The following AGAP2 variants were observed in gnomAD, a reference collection of about 807,000 sequenced individuals.
AGAP2 encodes ArfGAP with GTPase domain, ankyrin repeat and PH domain 2.
Under a neutral mutation model 110.9 loss-of-function variants are expected in AGAP2, and 32 were observed. The ratio of observed to expected loss-of-function variants is 0.29; its 90% CI spans 0.22 to 0.39. The LOEUF is 0.39. AGAP2 is among the 10% of genes least tolerant of loss of function. The probability of loss-of-function intolerance (pLI) is 1.00; values close to 1 mark genes in which losing one functional copy is unlikely to be tolerated. For missense variants in AGAP2, 1,285 were observed against 1,638.5 expected (o/e 0.78, Z 3.72); for synonymous variants, 702 against 713.0 (o/e 0.98, Z 0.25).
chr12:57,734,005 G>A (rs1377752468), intron 5 of AGAP2, 21 bp downstream of exon 5: 1 of 1,546,284 alleles, frequency 6.5e-7, no homozygotes, highest in Non-Finnish European at 8.7e-7. Context: ...TGAAAGCAGT[G>A]CTTTCCTAAC....
At chr12:57,740,629 C>T (rs1955066293), upstream of AGAP2, among the ~76,000 whole-genome samples, 1 of 152,176 alleles carries the variant, frequency 6.6e-6, no homozygotes, top group Middle Eastern at 3.4e-3. Context: ...TTATTATTAT[C>T]ATTATTATTT....
At position 57,727,732 on chromosome 12, in the gene AGAP2, C is replaced by T. The variant is rs767984176; in HGVS notation, c.2806G>A (p.Ala936Thr). 24 of 1,596,278 alleles carry T rather than the reference C, an allele frequency of 1.5e-5. No homozygotes were observed. The East Asian group carries it at 5.4e-4, about 36-fold the overall frequency. Residue 936 changes from alanine to threonine, a missense_variant, in exon 16 of 19, where the codon GCG becomes ACG. This residue lies in a region of AGAP2 where 39 missense variants were observed against 45.8 expected (regional missense o/e 0.85). Coordinates refer to ENST00000547588, the MANE Select transcript of AGAP2 (RefSeq NM_001122772.3). ...GAATTCCCCTTGGCGTTCCGGATCG[C>T]CTGGATGGCCACGGCCTCGCTTTGG... Reference protein sequence around the residue: ...DSQSEAVAIQAIRNAKGNSIC... With the variant: ...DSQSEAVAIQTIRNAKGNSIC...
rs148957106 is a variant in AGAP2, at chr12:57,727,022, G to A, written c.3288C>T (p.His1096=). Residue 1096 remains histidine (H), a synonymous_variant, in exon 18 of 19, where the codon CAC becomes CAT. Transcript: ENST00000547588. ...VEDPQLRSPL[H]LAAELAHVVI... ...CGACGTGGGCGAGCTCGGCCGCCAGGTGGAGTGGGGAGCGCAGCTGTGGGT... is the reference window on the plus strand; with the variant it reads ...CGACGTGGGCGAGCTCGGCCGCCAGATGGAGTGGGGAGCGCAGCTGTGGGT... The A allele has an allele frequency of 1.3e-4, 208 of 1,609,182 alleles. No homozygotes were observed. In the African/African-American group the frequency reaches 2.6e-3, roughly 20 times the overall value.
chr12:57,732,250 C>T (rs531611170), intron 7 of AGAP2, among the ~76,000 whole-genome samples, 153 bp downstream of exon 7: 1 of 152,180 alleles, frequency 6.6e-6, no homozygotes, highest in African/African-American at 2.4e-5. Context: ...TGGTTGATTT[C>T]CAGTCCAATG....
chr12:57,733,197 G>A (rs988187414), intron 5 of AGAP2, among the ~76,000 whole-genome samples: 1 of 151,990 alleles, frequency 6.6e-6, no homozygotes, highest in Non-Finnish European at 1.5e-5. Context: ...GTGTGTGTGT[G>A]TGTGTGTGTG....
rs1555198771 is a variant in AGAP2 at position 57,731,576 on chromosome 12, G to A, written c.2020C>T (p.Arg674Ter). The A allele has an allele frequency of 1.2e-6, 2 of 1,613,978 alleles. No homozygotes were observed. The highest frequency in any genetic ancestry group is 1.7e-6 in the Non-Finnish European group (2 of 1,179,984). The change falls in exon 9 of 19, where the codon CGA becomes TGA. Residue 674 changes from arginine to a stop codon, truncating the protein, a stop_gained. Transcript: ENST00000547588. LOFTEE classifies it high-confidence loss of function. ...CTCACCTGTTTGATGGGGATGGCTC[G>A]CCCACTCCCTGTTGTCTCTCCCCGA... Reference protein sequence around the residue: ...DSRGETTGSGRAIPIKQSFLL... With the variant: ...DSRGETTGSG
rs1954791681 is a variant in AGAP2, at chr12:57,727,412, C to G, written c.3028G>C (p.Val1010Leu). ...TAIGNDTANR[V>L]WESDTRGRAK... Reference sequence around the variant, plus strand: ...CGGCCTCGCGTGTCGCTTTCCCACACGCGGTTGGCCGTGTCGTTGCCAATA... The same window carrying G: ...CGGCCTCGCGTGTCGCTTTCCCACAGGCGGTTGGCCGTGTCGTTGCCAATA... The change falls in exon 17 of 19, where the codon GTG becomes CTG. Residue 1010 changes from valine (V) to leucine (L), a missense_variant. Val to Leu is a conservative substitution (Grantham distance 32). Coordinates refer to ENST00000547588, the MANE Select transcript of AGAP2 (RefSeq NM_001122772.3). The G allele has an allele frequency of 2.5e-6, 4 of 1,613,382 alleles. No individual in the cohort carries two copies. In the African/African-American group the frequency reaches 4.0e-5, roughly 16 times the overall value.
In AGAP2 at chr12:57,732,844, C is replaced by T; in HGVS notation, c.1684+1G>A. 6.2e-7 allele frequency: 1 copy of T among 1,613,888 alleles called. No homozygotes were observed. Among genetic ancestry groups the T allele is most frequent in the Non-Finnish European group, 8.5e-7 (1 of 1,180,014 alleles). ...CATATGCTGGAGATCACTACACTCA[C>T]CCTCCTGGAAGACCCGATCCACATT... On this transcript the variant is annotated splice_donor_variant, in intron 6 of 18. Coordinates refer to ENST00000547588, the MANE Select transcript of AGAP2 (RefSeq NM_001122772.3). LOFTEE classifies it high-confidence loss of function.
rs1412462457 is a variant in AGAP2, at chr12:57,738,021, G to A, written c.226C>T (p.Leu76=). The A allele has an allele frequency of 1.3e-6, 2 of 1,516,090 alleles. No individual in the cohort carries two copies. The highest frequency in any genetic ancestry group is 2.4e-5 in the South Asian group (2 of 82,610). 93.9% of individuals were successfully genotyped at this position (1,516,090 alleles called of 1,614,324 possible). A position where few individuals can be genotyped will look rare whatever the true frequency, so the allele number is the denominator to read the frequency against. The change falls in exon 1 of 19, where the codon CTG becomes TTG. Residue 76 remains leucine (L), a synonymous_variant. Coordinates refer to ENST00000547588, the MANE Select transcript of AGAP2 (RefSeq NM_001122772.3). This position sits in a 1 kb window ranked among gnomAD's most constrained non-coding sequence, Gnocchi z 6.7. ...CCCGCGCTGCTCGTGCTGATCCACA[G>A]CGCATCCTGCCGGTGGAAGAGACGT... ...HERLFHRQDA[L]WISTSSAGTG...
chr12:57,727,369 T>A lies in AGAP2; in HGVS notation c.3071A>T (p.Asp1024Val). 1 of 1,610,336 alleles carries A rather than the reference T, an allele frequency of 6.2e-7. No individual in the cohort carries two copies. The highest frequency in any genetic ancestry group is 8.5e-7 in the Non-Finnish European group (1 of 1,178,698). The change falls in exon 17 of 19, where the codon GAC (aspartate) becomes GTC (valine). Residue 1024 changes from aspartate (D) to valine (V), a missense_variant. By Grantham distance (152) the Asp-to-Val change is radical (BLOSUM62 -3). Around this residue, in one of 7 missense-constraint regions of AGAP2, gnomAD observed 201 missense variants for 276.1 expected, o/e 0.73. Coordinates refer to ENST00000547588, the MANE Select transcript of AGAP2 (RefSeq NM_001122772.3). ...DTRGRAKPSR[D>V]SSREERESWI... ...GTTCCCTCACGCTTACCGCGAAGAG[T>A]CCCGCGAGGGCTTGGCACGGCCTCG... is the stretch of plus-strand genomic sequence containing the variant.
chr12:57,730,717 C>T, intron 11 of AGAP2, 74 bp downstream of exon 11: 5 of 1,608,734 alleles, frequency 3.1e-6, no homozygotes, highest in South Asian at 1.1e-5. Flanking sequence ...AGTGCCAGCC[C>T]CCTCTTCCCT....
intron 12 of AGAP2, 61 bp downstream of exon 12, chr12:57,730,434 T>C: frequency 6.9e-6 from 11 of 1,600,654 alleles, no homozygotes; most frequent in Non-Finnish European, 8.5e-6. Flanking sequence ...CCCATATTCA[T>C]TTCCCACACT....
chr12:57,736,055 G>A (rs1338471631), intron 1 of AGAP2, among the ~76,000 whole-genome samples: 2 of 152,302 alleles, frequency 1.3e-5, no homozygotes, highest in South Asian at 2.1e-4. Context: ...TCGCCTGGCC[G>A]AGAGAAGCCA....
chr12:57,738,743 G>A (rs1955038455), upstream of AGAP2, among the ~76,000 whole-genome samples: 1 of 151,444 alleles, frequency 6.6e-6, no homozygotes, highest in Admixed American at 6.6e-5. The surrounding 1 kb of genome is among the most constrained non-coding windows in gnomAD (Gnocchi z 6.7). Flanking sequence ...GGAAGCTAGT[G>A]GGGCTGGCCG....
chr12:57,729,488 C>G, intron 13 of AGAP2, 151 bp downstream of exon 13: 1 of 1,130,656 alleles, frequency 8.8e-7, no homozygotes, highest in South Asian at 1.6e-5. Context: ...GGGGGATGTC[C>G]ATCCACTCTT....
rs1955032998 is a variant in AGAP2 at position 57,738,421 on chromosome 12, A to C, written c.-175T>G. On this transcript the variant is annotated 5_prime_UTR_variant, in exon 1 of 19. The change abolishes an upstream ATG in the 5' untranslated region. Coordinates refer to ENST00000547588, the MANE Select transcript of AGAP2 (RefSeq NM_001122772.3). The surrounding 1 kb of genome is among the most constrained non-coding windows in gnomAD (Gnocchi z 6.7). ...CCGCCTCCGCTTGCGCCCCCCTCCC[A>C]TCACATGGGGCGCCCCCTCCCCATG... is the stretch of plus-strand genomic sequence containing the variant. 20 of 577,472 alleles carry C rather than the reference A, an allele frequency of 3.5e-5. No homozygotes were observed. Among genetic ancestry groups the C allele is most frequent in the South Asian group, 7.5e-5 (1 of 13,362 alleles). 35.8% of individuals were successfully genotyped at this position (577,472 alleles called of 1,614,324 possible).
At position 57,735,279 on chromosome 12, in the gene AGAP2, G is replaced by C. The variant is rs1352235439; in HGVS notation, c.1227+90C>G. ...GATTCCCTATTCCCAAAGAGAGAGA[G>C]AGAGAGAAGGAGAGGTGAAGGGAGA... On this transcript the variant is annotated intron_variant, in intron 2 of 18. Transcript: ENST00000547588. The C allele has an allele frequency of 6.6e-6, 8 of 1,210,878 alleles. No homozygotes were observed. The East Asian group carries it at 1.4e-4, about 22-fold the overall frequency. 75.0% of individuals were successfully genotyped at this position (1,210,878 alleles called of 1,614,324 possible).
At chr12:57,730,353 T>C in intron 12 of AGAP2, 142 bp downstream of exon 12, 1 of 1,143,328 alleles carries the variant, frequency 8.7e-7, no homozygotes, top group Non-Finnish European at 1.2e-6. Flanking sequence ...AGACATGGTA[T>C]GATTGAACTT....
upstream of AGAP2, chr12:57,741,861 G>A: frequency 6.3e-7 from 1 of 1,588,238 alleles, no homozygotes. Flanking sequence ...AACCTTCTAT[G>A]CACCTGCTAG....
Sources: allele counts gnomAD v4.1 joint callset (sites outside exome capture counted in the v4.1 genomes callset), GRCh38; gene constraint gnomAD v4.1.1; regional missense constraint gnomAD v4.1.1; non-coding constraint Gnocchi (gnomAD v3.1); transcripts MANE v1.5; gene names NCBI Gene and HGNC (gene_info 2026-07-23, HGNC 2026-07-21).